GRIP1: variants seen among roughly 807,000 people sequenced by gnomAD.
The protein encoded by GRIP1 is glutamate receptor interacting protein 1.
In GRIP1, 45 loss-of-function variants were observed where a neutral mutation model predicts 129.9. The ratio of observed to expected loss-of-function variants is 0.35; its 90% confidence interval spans 0.27 to 0.44. The LOEUF (loss-of-function observed/expected upper bound fraction) is 0.44. GRIP1 is among the 20% of genes least tolerant of loss of function. GRIP1 has a pLI of 1.00. For missense variants in GRIP1, 1,196 were observed against 1,396.8 expected, an observed-to-expected ratio of 0.86 and a Z score of 2.29; for synonymous variants, 530 against 520.8, an observed-to-expected ratio of 1.02 and a Z score of -0.24.
At chr12:66,868,182 A>G (rs375030599) in intron 1 of GRIP1, among the ~76,000 whole-genome samples, 1 of 152,174 alleles carries the variant, frequency 6.6e-6, no homozygotes, top group Admixed American at 6.5e-5. Flanking sequence ...TACATTAAAC[A>G]TACCTTATCA....
At chr12:66,956,123 G>A (rs7136670) in intron 1 of GRIP1, among the ~76,000 whole-genome samples, 14,343 of 152,072 alleles carry the variant, frequency 0.094, 790 homozygotes, top group East Asian at 0.15. Context: ...AACCAAACTC[G>A]GCTTTTTTTG....
At chr12:66,687,886 C>T (rs937752976) in intron 1 of GRIP1, among the ~76,000 whole-genome samples, 7 of 152,270 alleles carry the variant, frequency 4.6e-5, no homozygotes, top group Non-Finnish European at 8.8e-5. Context: ...GGCAGTCACA[C>T]AAGCCATGCT....
At chr12:66,987,090 G>C (rs987343570) in intron 1 of GRIP1, among the ~76,000 whole-genome samples, 3 of 152,038 alleles carry the variant, frequency 2.0e-5, no homozygotes, top group Non-Finnish European at 4.4e-5. Context: ...AAATACATGG[G>C]AATAGAGCTG....
intron 1 of GRIP1, among the ~76,000 whole-genome samples, chr12:66,838,773 GA>G (rs2039663001): frequency 6.6e-6 from 1 of 152,166 alleles, no homozygotes; most frequent in Non-Finnish European, 1.5e-5. Flanking sequence ...GAAAATGGAA[GA>G]GGTTAAAAAC....
chr12:66,890,289 T>C (rs1240216091), intron 1 of GRIP1, among the ~76,000 whole-genome samples: 3 of 152,172 alleles, frequency 2.0e-5, no homozygotes, highest in Non-Finnish European at 2.9e-5. Context: ...AAATTTCCGA[T>C]CCAGGTCAGT....
intron 1 of GRIP1, among the ~76,000 whole-genome samples, chr12:67,015,726 G>A (rs1274972004): frequency 6.6e-6 from 1 of 152,224 alleles, no homozygotes; most frequent in Non-Finnish European, 1.5e-5. Flanking sequence ...CAACCATGTT[G>A]TGATGGTGAG....
intron 2 of GRIP1, among the ~76,000 whole-genome samples, chr12:66,547,042 T>C (rs1026517627): frequency 3.3e-4 from 50 of 152,038 alleles, no homozygotes; most frequent in African/African-American, 1.2e-3. Context: ...ATTTCAAATA[T>C]ACAAGCAACT....
At chr12:66,834,944 G>A (rs2039586366) in intron 1 of GRIP1, among the ~76,000 whole-genome samples, 2 of 145,894 alleles carry the variant, frequency 1.4e-5, no homozygotes, top group South Asian at 2.3e-4. Flanking sequence ...AAAGGGGGGG[G>A]GGCAGGAGTA....
chr12:66,757,348 T>A (rs1389273722), intron 1 of GRIP1, among the ~76,000 whole-genome samples: 5 of 152,184 alleles, frequency 3.3e-5, no homozygotes, highest in African/African-American at 1.2e-4. Flanking sequence ...TCTTTCTGTG[T>A]CTGGCTTATT....
chr12:67,062,706 C>T (rs1035652145), intron 1 of GRIP1, among the ~76,000 whole-genome samples: 1 of 152,174 alleles, frequency 6.6e-6, no homozygotes, highest in Non-Finnish European at 1.5e-5. Flanking sequence ...CCCATCATGG[C>T]ACTTTGGCAG....
intron 23 of GRIP1, among the ~76,000 whole-genome samples, chr12:66,356,877 TTTTAA>T (rs1016706219): frequency 2.0e-4 from 31 of 152,208 alleles, no homozygotes; most frequent in African/African-American, 7.5e-4. Context: ...TTTATTTTAT[TTTTAA>T]TTTTTTGAGA....
chr12:66,485,213 G>A (rs576303595), intron 7 of GRIP1, among the ~76,000 whole-genome samples: 1 of 152,250 alleles, frequency 6.6e-6, no homozygotes, highest in South Asian at 2.1e-4. Flanking sequence ...CTTTTCCACT[G>A]TAGCCATTCA....
At chr12:66,902,747 T>A (rs1157098762) in intron 1 of GRIP1, among the ~76,000 whole-genome samples, 2 of 152,204 alleles carry the variant, frequency 1.3e-5, no homozygotes, top group African/African-American at 4.8e-5. Flanking sequence ...TATATTTGGA[T>A]ATAGACACAG....
rs189284146 is a variant in GRIP1 at position 66,792,932 on chromosome 12, T to C, written c.-420+11121A>G. On this transcript the variant is annotated intron_variant, in intron 1 of 4. Transcript: ENST00000538373. Reference sequence around the variant, plus strand: ...AATGCATATATTTTATAGTAAATAATTTTACTCTCTTTGAGAAATATTTCC... The same window carrying C: ...AATGCATATATTTTATAGTAAATAACTTTACTCTCTTTGAGAAATATTTCC... Among the ~76,000 whole-genome samples, 348 of 152,260 alleles carry C rather than the reference T, an allele frequency of 2.3e-3. 3 individuals are homozygous for C. Among genetic ancestry groups the C allele is most frequent in the African/African-American group, 7.9e-3 (328 of 41,564 alleles).
chr12:66,479,028 TA>T (rs2059716005), intron 7 of GRIP1, among the ~76,000 whole-genome samples: 1 of 140,996 alleles, frequency 7.1e-6, no homozygotes, highest in African/African-American at 2.6e-5. Flanking sequence ...TAAAGTATAA[TA>T]AAAAATATAT....
intron 11 of GRIP1, among the ~76,000 whole-genome samples, chr12:66,449,216 T>C (rs958175566): frequency 2.6e-5 from 4 of 152,244 alleles, no homozygotes; most frequent in African/African-American, 9.6e-5. Flanking sequence ...TGGAACCAGC[T>C]CTTTCAATCT....
At chr12:66,581,082 A>G (rs1204154387) in intron 2 of GRIP1, among the ~76,000 whole-genome samples, 4 of 152,238 alleles carry the variant, frequency 2.6e-5, no homozygotes, top group Admixed American at 1.3e-4. Flanking sequence ...ATCAAACTAG[A>G]ACTCAGGATT....
At chr12:66,400,087 TGTA>T (rs1555177627) in intron 16 of GRIP1, among the ~76,000 whole-genome samples, 2 of 151,972 alleles carry the variant, frequency 1.3e-5, no homozygotes, top group Non-Finnish European at 2.9e-5. Context: ...TTTCTCAAAG[TGTA>T]GTTCTAGGAC....
chr12:67,009,351 C>T (rs906383608), intron 1 of GRIP1, among the ~76,000 whole-genome samples: 3 of 152,134 alleles, frequency 2.0e-5, no homozygotes, highest in East Asian at 1.9e-4. Flanking sequence ...GCTTATCTTT[C>T]GATTAACTTT....
Sources: gnomAD v4.1 joint callset for allele counts (sites outside exome capture counted in the v4.1 genomes callset) on GRCh38, gnomAD v4.1.1 for gene constraint, MANE v1.5 for transcripts, NCBI Gene and HGNC (gene_info 2026-07-23, HGNC 2026-07-21) for gene names.